The following FGF12 variants were observed in gnomAD, a reference collection of about 807,000 sequenced individuals.
FGF12 encodes fibroblast growth factor 12, also known as fibroblast growth factor 12B.
FGF12 carries 14 observed loss-of-function variants against 23.6 expected under a neutral mutation model. The observed-to-expected ratio is 0.59, with a 90% CI of 0.39 to 0.93. The LOEUF (loss-of-function observed/expected upper bound fraction) is 0.93. Among genes scored for constraint, FGF12 ranks in the 40% least tolerant of loss-of-function variants. The pLI is 0.00. For synonymous variants in FGF12, 62 were observed against 77.3 expected, an observed-to-expected ratio of 0.80 and a Z score of 1.04; for missense variants, 175 against 217.8, an observed-to-expected ratio of 0.80 and a Z score of 1.24.
chr3:192,594,625 A>C lies in FGF12; in HGVS notation c.13+132556T>G, dbSNP rs377563911. Among the ~76,000 whole-genome samples, 3 of 151,940 alleles carry C rather than the reference A, an allele frequency of 2.0e-5. No individual in the cohort carries two copies. The East Asian group carries it at 5.8e-4, about 29-fold the overall frequency. Reference sequence around the variant, plus strand: ...TTTGTGAGATAATTAGGATCAGATAAGGTCTGATCCTAAACAGAGTTGGGC... The same window carrying C: ...TTTGTGAGATAATTAGGATCAGATACGGTCTGATCCTAAACAGAGTTGGGC... On this transcript the variant is annotated intron_variant, in intron 2 of 5. Coordinates refer to ENST00000445105, the MANE Select transcript of FGF12 (RefSeq NM_004113.6).
chr3:192,373,013 T>C (rs1014089327), intron 2 of FGF12, among the ~76,000 whole-genome samples: 1 of 152,208 alleles, frequency 6.6e-6, no homozygotes, highest in Admixed American at 6.5e-5. Context: ...AGTCACTGCA[T>C]AAATACAATT....
At chr3:192,168,315 A>G (rs62295830) in intron 5 of FGF12, among the ~76,000 whole-genome samples, 61,096 of 152,026 alleles carry the variant, frequency 0.4, 15,026 homozygotes, top group Non-Finnish European at 0.54. Flanking sequence ...TTTCCCTGTG[A>G]AAATATTACT....
chr3:192,161,453 C>T (rs1460438113), intron 5 of FGF12, among the ~76,000 whole-genome samples: 1 of 151,774 alleles, frequency 6.6e-6, no homozygotes, highest in Non-Finnish European at 1.5e-5. Context: ...CACACACACA[C>T]AACTGATTAA....
intron 4 of FGF12, among the ~76,000 whole-genome samples, chr3:192,209,092 C>T (rs538568376): frequency 1.6e-4 from 25 of 152,182 alleles, no homozygotes; most frequent in Non-Finnish European, 3.1e-4. Flanking sequence ...TATATGTAGT[C>T]ATCTGACTAA....
intron 4 of FGF12, among the ~76,000 whole-genome samples, chr3:192,280,982 C>T (rs1433581570): frequency 1.3e-5 from 2 of 152,088 alleles, no homozygotes; most frequent in Non-Finnish European, 2.9e-5. Flanking sequence ...ATGCTGTTCT[C>T]CACTTACTCA....
At chr3:192,260,251 C>T (rs537882396) in intron 4 of FGF12, among the ~76,000 whole-genome samples, 1 of 152,140 alleles carries the variant, frequency 6.6e-6, no homozygotes, top group South Asian at 2.1e-4. Context: ...ATATCACAGC[C>T]GTATTCATCT....
At chr3:192,546,169 A>G (rs899326602) in intron 2 of FGF12, among the ~76,000 whole-genome samples, 38 of 152,292 alleles carry the variant, frequency 2.5e-4, no homozygotes, top group African/African-American at 9.1e-4. Context: ...CATCTTAGAC[A>G]ATTTACATGA....
At chr3:192,280,203 C>A (rs999207517) in intron 4 of FGF12, among the ~76,000 whole-genome samples, 4 of 151,942 alleles carry the variant, frequency 2.6e-5, no homozygotes, top group African/African-American at 9.7e-5. Context: ...TTTTGTAAAT[C>A]CTACTTTGCA....
chr3:192,521,040 G>A (rs1038558606), intron 2 of FGF12, among the ~76,000 whole-genome samples: 21 of 152,248 alleles, frequency 1.4e-4, no homozygotes, highest in South Asian at 1.2e-3. Context: ...ATGCTGGGTC[G>A]AAAAGTATGT....
chr3:192,596,735 A>G (rs1403167496), intron 2 of FGF12, among the ~76,000 whole-genome samples: 1 of 152,224 alleles, frequency 6.6e-6, no homozygotes, highest in African/African-American at 2.4e-5. Flanking sequence ...CATTACTCAC[A>G]AATTACAGAA....
intron 2 of FGF12, among the ~76,000 whole-genome samples, chr3:192,535,051 A>G (rs1725191414): frequency 6.6e-6 from 1 of 152,180 alleles, no homozygotes; most frequent in Admixed American, 6.5e-5. Flanking sequence ...AATCATTATT[A>G]GGATATGTTA....
At chr3:192,432,236 C>A (rs367778471) in intron 2 of FGF12, among the ~76,000 whole-genome samples, 1 of 152,122 alleles carries the variant, frequency 6.6e-6, no homozygotes, top group East Asian at 1.9e-4. Context: ...GGAGGTAACA[C>A]AACCTAATAA....
chr3:192,569,666 G>A (rs1464492902), intron 2 of FGF12, among the ~76,000 whole-genome samples: 1 of 152,176 alleles, frequency 6.6e-6, no homozygotes, highest in African/African-American at 2.4e-5. Context: ...TACGGAAGAG[G>A]AAATTGAGAT....
At chr3:192,389,612 T>A (rs1007688014) in intron 2 of FGF12, among the ~76,000 whole-genome samples, 2 of 152,234 alleles carry the variant, frequency 1.3e-5, no homozygotes, top group African/African-American at 4.8e-5. Context: ...AACTTTATTT[T>A]GATTCTACTT....
chr3:192,662,662 G>C (rs1039496161), intron 2 of FGF12, among the ~76,000 whole-genome samples: 6 of 152,156 alleles, frequency 3.9e-5, no homozygotes, highest in Admixed American at 1.3e-4. Flanking sequence ...TACAACTAAT[G>C]CAAGCTTTAA....
At chr3:192,596,878 T>C (rs1024328823) in intron 2 of FGF12, among the ~76,000 whole-genome samples, 3 of 152,194 alleles carry the variant, frequency 2.0e-5, no homozygotes, top group African/African-American at 4.8e-5. Context: ...TGCTAAACTT[T>C]CTGGAATTTA....
At chr3:192,477,593 A>G (rs1723363309) in intron 2 of FGF12, among the ~76,000 whole-genome samples, 1 of 152,208 alleles carries the variant, frequency 6.6e-6, no homozygotes, top group African/African-American at 2.4e-5. Flanking sequence ...TTTATATTGT[A>G]GTTCCAGTTT....
chr3:192,290,397 A>G (rs992614381), intron 4 of FGF12, among the ~76,000 whole-genome samples: 6 of 152,160 alleles, frequency 3.9e-5, no homozygotes, highest in African/African-American at 1.4e-4. Flanking sequence ...AAAGTAATAC[A>G]TAAGTCACAG....
chr3:192,495,325 A>C (rs533237938), intron 2 of FGF12, among the ~76,000 whole-genome samples: 6 of 152,218 alleles, frequency 3.9e-5, no homozygotes, highest in Non-Finnish European at 8.8e-5. Flanking sequence ...GTCCGTACAT[A>C]AACATTTTAA....
Sources: gnomAD v4.1 joint callset for allele counts (sites outside exome capture counted in the v4.1 genomes callset) on GRCh38, gnomAD v4.1.1 for gene constraint, MANE v1.5 for transcripts, NCBI Gene and HGNC (gene_info 2026-07-23, HGNC 2026-07-21) for gene names.